MGMT: variants seen among roughly 807,000 people sequenced by gnomAD.
MGMT encodes O-6-methylguanine-DNA methyltransferase.
Under a neutral mutation model 15.9 loss-of-function variants are expected in MGMT, and 14 were observed. The observed-to-expected ratio is 0.88, with a 90% confidence interval of 0.58 to 1.37. The LOEUF is 1.37. Among genes scored for constraint, MGMT ranks in the 40% most tolerant of loss-of-function variants. The pLI, the probability that MGMT is intolerant of heterozygous loss-of-function variation, is 0.00. For missense variants in MGMT, 282 were observed against 268.1 expected (o/e 1.05, Z -0.36); for synonymous variants, 130 against 118.2 (o/e 1.10, Z -0.65).
intron 2 of MGMT, among the ~76,000 whole-genome samples, chr10:129,567,780 A>C (rs1244984014): frequency 6.6e-6 from 1 of 152,238 alleles, no homozygotes; most frequent in Non-Finnish European, 1.5e-5. Context: ...GTTCTTGGTC[A>C]AAATTGGCTT....
intron 2 of MGMT, among the ~76,000 whole-genome samples, chr10:129,547,926 C>A (rs1022776703): frequency 1.3e-5 from 2 of 152,174 alleles, no homozygotes. Context: ...GTTCTTGTTC[C>A]CAAGAAGCTG....
chr10:129,708,066 G>A (rs1848188482), intron 3 of MGMT, 23 bp downstream of exon 3: 2 of 1,601,670 alleles, frequency 1.2e-6, no homozygotes, highest in Admixed American at 3.5e-5. Flanking sequence ...GCCATCTGCG[G>A]TGTTTCCTTT....
At chr10:129,646,744 A>ATTTTTTT (rs1448953343) in intron 2 of MGMT, among the ~76,000 whole-genome samples, 1 of 79,262 alleles carries the variant, frequency 1.3e-5, no homozygotes, top group Non-Finnish European at 2.8e-5. Flanking sequence ...ATATATATAT[A>ATTTTTTT]TATATATATA....
At chr10:129,602,304 G>A (rs999144063) in intron 2 of MGMT, among the ~76,000 whole-genome samples, 3 of 152,062 alleles carry the variant, frequency 2.0e-5, no homozygotes, top group South Asian at 2.1e-4. Flanking sequence ...AAAGGAACGC[G>A]CTTCCTGAAA....
chr10:129,619,440 G>A (rs888646467), intron 2 of MGMT, among the ~76,000 whole-genome samples: 2 of 151,948 alleles, frequency 1.3e-5, no homozygotes, highest in South Asian at 2.1e-4. Context: ...TACGAATTAC[G>A]GGATACTGGT....
At chr10:129,705,294 T>G (rs983891750) in intron 2 of MGMT, among the ~76,000 whole-genome samples, 5 of 152,186 alleles carry the variant, frequency 3.3e-5, no homozygotes, top group African/African-American at 1.2e-4. Flanking sequence ...GTATCCCAGA[T>G]GGAATGCAAA....
At chr10:129,631,957 G>C (rs867715877) in intron 2 of MGMT, among the ~76,000 whole-genome samples, 1 of 152,126 alleles carries the variant, frequency 6.6e-6, no homozygotes, top group Non-Finnish European at 1.5e-5. Flanking sequence ...GGTTGGTCTT[G>C]AACTCCTGGG....
intron 2 of MGMT, among the ~76,000 whole-genome samples, chr10:129,572,218 T>C (rs1846428158): frequency 6.6e-6 from 1 of 152,230 alleles, no homozygotes; most frequent in Non-Finnish European, 1.5e-5. Flanking sequence ...GATCAAGTTA[T>C]CTTAGGAGTA....
rs1846213849 is a variant in MGMT, at chr10:129,556,367, T to C, written c.125+19990T>C. On this transcript the variant is annotated intron_variant, in intron 2 of 4. Transcript: ENST00000651593. This position sits in a 1 kb window ranked among gnomAD's most constrained non-coding sequence, Gnocchi z 4.3. ...CAGTGTGACCGGTGTCCCCATGAGA[T>C]GGAGGTTGTGGCACAGACACACGGA... 6.6e-6 allele frequency among the ~76,000 whole-genome samples: 1 copy of C among 151,992 alleles called. No homozygotes were observed. Among genetic ancestry groups the C allele is most frequent in the Admixed American group, 6.6e-5 (1 of 15,254 alleles).
intron 2 of MGMT, among the ~76,000 whole-genome samples, chr10:129,548,140 TATA>T (rs1312434785): frequency 1.1e-4 from 17 of 152,218 alleles, no homozygotes; most frequent in African/African-American, 3.9e-4. Flanking sequence ...CTTAACCCAT[TATA>T]GTAGGAAAAT....
chr10:129,645,423 A>G (rs1215111227), intron 2 of MGMT, among the ~76,000 whole-genome samples: 3 of 152,152 alleles, frequency 2.0e-5, no homozygotes, highest in Admixed American at 6.5e-5. Flanking sequence ...TACCTGGCCA[A>G]AAGCCCACGT....
At chr10:129,515,958 C>T (rs959759156) in intron 1 of MGMT, among the ~76,000 whole-genome samples, 2 of 152,106 alleles carry the variant, frequency 1.3e-5, no homozygotes, top group Non-Finnish European at 2.9e-5. Flanking sequence ...ATTAATGAGA[C>T]GGTGATCATC....
chr10:129,743,887 C>T (rs1356914540), intron 3 of MGMT, among the ~76,000 whole-genome samples: 6 of 152,230 alleles, frequency 3.9e-5, no homozygotes, highest in African/African-American at 1.4e-4. Flanking sequence ...TTGGGCTTGA[C>T]TCTGGAGCTT....
At chr10:129,485,442 G>A (rs1028178707) in intron 1 of MGMT, among the ~76,000 whole-genome samples, 2 of 152,162 alleles carry the variant, frequency 1.3e-5, no homozygotes, top group Admixed American at 6.5e-5. Context: ...GGGGAGCATA[G>A]CCCCTGGCTG....
At chr10:129,622,319 G>A (rs982245598) in intron 2 of MGMT, among the ~76,000 whole-genome samples, 3 of 152,160 alleles carry the variant, frequency 2.0e-5, no homozygotes, top group South Asian at 4.1e-4. Flanking sequence ...GCAGAGATAC[G>A]ATTCCACTTT....
intron 2 of MGMT, among the ~76,000 whole-genome samples, chr10:129,690,111 A>G (rs1349785020): frequency 6.6e-6 from 1 of 152,144 alleles, no homozygotes; most frequent in African/African-American, 2.4e-5. Context: ...TTTCCTAGCT[A>G]TTTCAAGTTT....
At position 129,537,562 on chromosome 10, in the gene MGMT, GT is replaced by G. The variant is rs200080978; in HGVS notation, c.125+1195del. 4.7e-3 allele frequency among the ~76,000 whole-genome samples: 697 copies of G among 149,426 alleles called. 16 individuals are homozygous for G. The highest frequency in any genetic ancestry group is 0.041 in the Admixed American group (619 of 14,970). ...AATAAATCATAGAAATTATGTGTTGGTTTTTTTTTTCTTTTGGGAAAAAGGT... is the reference window on the plus strand; with the variant it reads ...AATAAATCATAGAAATTATGTGTTGGTTTTTTTTTCTTTTGGGAAAAAGGT... On this transcript the variant is annotated intron_variant, in intron 2 of 4. Coordinates refer to ENST00000651593, the MANE Select transcript of MGMT (RefSeq NM_002412.5).
At chr10:129,546,313 G>A (rs1846097953) in intron 2 of MGMT, among the ~76,000 whole-genome samples, 1 of 152,220 alleles carries the variant, frequency 6.6e-6, no homozygotes, top group Non-Finnish European at 1.5e-5. Context: ...GCTGGCAGGG[G>A]CCCAAGCCTA....
intron 1 of MGMT, among the ~76,000 whole-genome samples, chr10:129,495,012 T>C (rs1845506437): frequency 6.6e-6 from 1 of 152,244 alleles, no homozygotes; most frequent in Non-Finnish European, 1.5e-5. Flanking sequence ...TAAAAGATTG[T>C]GCTGGCATGA....
Sources: allele counts gnomAD v4.1 joint callset (sites outside exome capture counted in the v4.1 genomes callset), GRCh38; gene constraint gnomAD v4.1.1; non-coding constraint Gnocchi (gnomAD v3.1); transcripts MANE v1.5; gene names NCBI Gene and HGNC (gene_info 2026-07-23, HGNC 2026-07-21).